SLC24A3: variants seen among roughly 807,000 people sequenced by gnomAD.
The protein encoded by SLC24A3 is sodium/potassium/calcium exchanger 3.
A neutral mutation model predicts 75.8 loss-of-function variants in SLC24A3; 28 were observed. The observed-to-expected ratio is 0.37, with a 90% CI of 0.27 to 0.51. The LOEUF is 0.51. Among genes scored for constraint, SLC24A3 ranks in the 20% least tolerant of loss-of-function variants. SLC24A3 has a pLI of 0.94. For synonymous variants in SLC24A3, 372 were observed against 334.1 expected (o/e 1.11, Z -1.24); for missense variants, 663 against 847.8 (o/e 0.78, Z 2.71).
At chr20:19,527,252 T>G (rs2030215822) in intron 3 of SLC24A3, among the ~76,000 whole-genome samples, 1 of 152,208 alleles carries the variant, frequency 6.6e-6, no homozygotes, top group Admixed American at 6.5e-5. Context: ...GTCCTTCCCC[T>G]CTTCCCAGAA....
Position 19,316,384 on chromosome 20 carries a change from G to A in SLC24A3, c.271+35297G>A, listed in dbSNP as rs76234620. 2.2e-4 allele frequency among the ~76,000 whole-genome samples: 33 copies of A among 152,314 alleles called. No individual in the cohort carries two copies. In the East Asian group the frequency reaches 3.5e-3, roughly 16 times the overall value. ...TACATAAAAGGCCAAGGAAGGCAGC[G>A]TGTCCTGCAGCCACTGGGTCAGGGT... On this transcript the variant is annotated intron_variant, in intron 2 of 16. Transcript: ENST00000328041.
chr20:19,403,961 T>C (rs1412737883), intron 2 of SLC24A3, among the ~76,000 whole-genome samples: 1 of 152,222 alleles, frequency 6.6e-6, no homozygotes. Flanking sequence ...GCAGCTGTGC[T>C]CAGGTCTCCT....
chr20:19,226,704 C>T (rs1981880824), intron 1 of SLC24A3, among the ~76,000 whole-genome samples: 1 of 152,104 alleles, frequency 6.6e-6, no homozygotes, highest in African/African-American at 2.4e-5. Flanking sequence ...AGAGTAGATA[C>T]CATTATTATC....
chr20:19,387,734 C>T (rs1183678636), intron 2 of SLC24A3, among the ~76,000 whole-genome samples: 1 of 152,092 alleles, frequency 6.6e-6, no homozygotes. Context: ...GTTTTGTGGC[C>T]TAACATGATC....
intron 11 of SLC24A3, 98 bp from the exon 12 acceptor site, chr20:19,685,002 C>T (rs1055757064): frequency 3.0e-5 from 43 of 1,443,768 alleles, no homozygotes; most frequent in African/African-American, 2.7e-4. Flanking sequence ...GGAAGCATAT[C>T]GTCAGCTGCC....
chr20:19,212,801 A>C lies in SLC24A3; in HGVS notation c.-42A>C. 1 of 977,050 alleles carries C rather than the reference A, an allele frequency of 1.0e-6. No homozygotes were observed. The highest frequency in any genetic ancestry group is 1.2e-6 in the Non-Finnish European group (1 of 826,664). 60.5% of individuals were successfully genotyped at this position (977,050 alleles called of 1,614,324 possible). A position where few individuals can be genotyped will look rare whatever the true frequency, so the allele number is the denominator to read the frequency against. ...CCCCGCCGCGGCCGCCCGCGACAGG[A>C]GCGGCCGCCGCCCGCCGAGGCCGCC... On this transcript the variant is annotated 5_prime_UTR_variant, in exon 1 of 17. Coordinates refer to ENST00000328041, the MANE Select transcript of SLC24A3 (RefSeq NM_020689.4).
intron 7 of SLC24A3, among the ~76,000 whole-genome samples, chr20:19,663,227 C>G (rs1171344118): frequency 2.0e-5 from 3 of 151,830 alleles, no homozygotes; most frequent in East Asian, 3.9e-4. Flanking sequence ...GCCACTGTGC[C>G]AAGCCAATTT....
At chr20:19,560,848 T>C (rs1186228264) in intron 3 of SLC24A3, among the ~76,000 whole-genome samples, 2 of 152,218 alleles carry the variant, frequency 1.3e-5, no homozygotes, top group Non-Finnish European at 2.9e-5. Context: ...GAAAGGGTAA[T>C]TCTTTGTCAG....
chr20:19,446,028 A>G (rs541082877), intron 2 of SLC24A3, among the ~76,000 whole-genome samples: 1 of 152,190 alleles, frequency 6.6e-6, no homozygotes, highest in Non-Finnish European at 1.5e-5. Context: ...TTCATTGTCC[A>G]AATGAGGCCC....
intron 2 of SLC24A3, among the ~76,000 whole-genome samples, chr20:19,337,996 G>A (rs975289351): frequency 6.6e-6 from 1 of 152,174 alleles, no homozygotes; most frequent in Non-Finnish European, 1.5e-5. Flanking sequence ...ATCTTCAGGG[G>A]ATAGAGGCAC....
intron 1 of SLC24A3, among the ~76,000 whole-genome samples, chr20:19,239,221 C>G (rs1236821383): frequency 6.6e-6 from 1 of 152,106 alleles, no homozygotes; most frequent in Admixed American, 6.5e-5. Flanking sequence ...CTCTTATGCT[C>G]CTTGTGCAGT....
intron 6 of SLC24A3, among the ~76,000 whole-genome samples, chr20:19,598,243 A>G (rs538052061): frequency 6.6e-6 from 1 of 152,100 alleles, no homozygotes; most frequent in Non-Finnish European, 1.5e-5. Context: ...TCTTTCCTGC[A>G]GGGGAAATCT....
chr20:19,628,056 T>C (rs1305746829), intron 6 of SLC24A3, among the ~76,000 whole-genome samples: 1 of 151,088 alleles, frequency 6.6e-6, no homozygotes, highest in Non-Finnish European at 1.5e-5. Flanking sequence ...TAAAAAAAAT[T>C]AGCCAGGCAT....
intron 2 of SLC24A3, among the ~76,000 whole-genome samples, chr20:19,341,738 G>T (rs1355676426): frequency 6.6e-6 from 1 of 152,150 alleles, no homozygotes; most frequent in Non-Finnish European, 1.5e-5. Context: ...ACAGAATACA[G>T]CCTTTTTGAT....
At chr20:19,701,328 A>ATT (rs908090912) in intron 15 of SLC24A3, among the ~76,000 whole-genome samples, 8 of 149,328 alleles carry the variant, frequency 5.4e-5, no homozygotes, top group Non-Finnish European at 1.2e-4. Context: ...TAACCTCGTA[A>ATT]TTTGGTGCCC....
chr20:19,240,166 G>A (rs770465719), intron 1 of SLC24A3, among the ~76,000 whole-genome samples: 4 of 152,058 alleles, frequency 2.6e-5, no homozygotes, highest in Non-Finnish European at 4.4e-5. Context: ...AATCATCATA[G>A]ACCCACATGA....
rs749766738 is a variant in SLC24A3 at position 19,585,512 on chromosome 20, A to G, written c.580A>G (p.Ile194Val). ...VGSAVFNILCIIGVCGLFAGQ... is the reference protein window; with the variant it reads ...VGSAVFNILCVIGVCGLFAGQ... ...CTCAGCGGTATTCAACATCCTGTGC[A>G]TCATTGGTGTCTGTGGGCTCTTTGC... Residue 194 changes from isoleucine to valine, a missense_variant, in exon 6 of 17, where the codon ATC (isoleucine) becomes GTC (valine). By Grantham distance (29) the Ile-to-Val change is conservative. This residue lies in a region of SLC24A3 where 510 missense variants were observed against 703.6 expected (regional missense o/e 0.72). Coordinates refer to ENST00000328041, the MANE Select transcript of SLC24A3 (RefSeq NM_020689.4). The G allele has an allele frequency of 6.2e-7, 1 of 1,614,138 alleles. No homozygotes were observed. Among genetic ancestry groups the G allele is most frequent in the East Asian group, 2.2e-5 (1 of 44,876 alleles).
At chr20:19,376,838 G>A (rs1600454622) in intron 2 of SLC24A3, among the ~76,000 whole-genome samples, 1 of 152,150 alleles carries the variant, frequency 6.6e-6, no homozygotes, top group Non-Finnish European at 1.5e-5. Flanking sequence ...GTGGAGATTC[G>A]GGGCAAAGAC....
At chr20:19,560,283 G>T (rs558638971) in intron 3 of SLC24A3, among the ~76,000 whole-genome samples, 1 of 152,192 alleles carries the variant, frequency 6.6e-6, no homozygotes, top group African/African-American at 2.4e-5. Context: ...ACTCAAAATC[G>T]TCCCAAGGAG....
Sources: allele counts gnomAD v4.1 joint callset (sites outside exome capture counted in the v4.1 genomes callset), GRCh38; gene constraint gnomAD v4.1.1; regional missense constraint gnomAD v4.1.1; transcripts MANE v1.5; gene names NCBI Gene and HGNC (gene_info 2026-07-23, HGNC 2026-07-21).